PTPRB: variants seen among roughly 807,000 people sequenced by gnomAD.
PTPRB encodes receptor-type tyrosine-protein phosphatase beta.
A neutral mutation model predicts 238.1 loss-of-function variants in PTPRB; 97 were observed. The observed-to-expected ratio is 0.41, with a 90% confidence interval of 0.35 to 0.48. The LOEUF (loss-of-function observed/expected upper bound fraction) is 0.48. Among genes scored for constraint, PTPRB ranks in the 20% least tolerant of loss-of-function variants. The probability of loss-of-function intolerance (pLI) is 0.30; values close to 1 mark genes in which losing one functional copy is unlikely to be tolerated. For missense variants in PTPRB, 2,292 were observed against 2,681.9 expected (o/e 0.85, Z 3.21); for synonymous variants, 970 against 995.4 (o/e 0.97, Z 0.48).
At chr12:70,589,831 C>T (rs1882290711) in intron 8 of PTPRB, 133 bp downstream of exon 8, 1 of 851,184 alleles carries the variant, frequency 1.2e-6, no homozygotes, top group Non-Finnish European at 1.8e-6. Flanking sequence ...CCATGTTAGC[C>T]TTAAAGTCCT....
intron 27 of PTPRB, 85 bp downstream of exon 27, chr12:70,538,839 T>C: frequency 2.7e-6 from 3 of 1,101,326 alleles, no homozygotes; most frequent in Non-Finnish European, 4.1e-6. Flanking sequence ...CTATATTATA[T>C]TTCTTTAGCC....
chr12:70,626,315 CTATCT>C (rs1412320428), intron 2 of PTPRB, among the ~76,000 whole-genome samples: 1 of 134,392 alleles, frequency 7.4e-6, no homozygotes, highest in Non-Finnish European at 1.6e-5. Context: ...ATCTATCTAT[CTATCT>C]ATCTATCTAT....
chr12:70,547,838 A>T (rs950460820), intron 21 of PTPRB, among the ~76,000 whole-genome samples: 1 of 151,992 alleles, frequency 6.6e-6, no homozygotes, highest in Non-Finnish European at 1.5e-5. Flanking sequence ...TTTCTGTTTG[A>T]TCATGTTCAA....
chr12:70,521,380 T>A lies in PTPRB; in HGVS notation c.*109A>T. The A allele has an allele frequency of 1.5e-6, 1 of 679,550 alleles. No individual in the cohort carries two copies. Among genetic ancestry groups the A allele is most frequent in the Non-Finnish European group, 2.3e-6 (1 of 433,560 alleles). The allele number at this position is 679,550 out of a possible 1,614,324, so 42.1% of individuals were successfully genotyped here. A position where few individuals can be genotyped will look rare whatever the true frequency, so the allele number is the denominator to read the frequency against. On this transcript the variant is annotated 3_prime_UTR_variant, in exon 34 of 34. Transcript: ENST00000334414. Reference sequence around the variant, plus strand: ...AAACATTCTCCAGATTAATAAATTATACATAGTATCAACAGAAATAGCTGG... The same window carrying A: ...AAACATTCTCCAGATTAATAAATTAAACATAGTATCAACAGAAATAGCTGG...
chr12:70,552,714 G>A, intron 21 of PTPRB, 63 bp downstream of exon 21: 1 of 1,580,240 alleles, frequency 6.3e-7, no homozygotes, highest in Non-Finnish European at 8.6e-7. Context: ...CAGTTGCTCA[G>A]ACAGCTGAGT....
At chr12:70,586,507 C>T (rs1004205247) in intron 9 of PTPRB, among the ~76,000 whole-genome samples, 4 of 152,068 alleles carry the variant, frequency 2.6e-5, no homozygotes, top group African/African-American at 9.7e-5. Flanking sequence ...ATTAGATTCC[C>T]CATGCTCCTT....
rs963571523 is a variant in PTPRB at position 70,521,633 on chromosome 12, T to C, written c.6626-122A>G. The C allele has an allele frequency of 9.0e-6, 7 of 777,434 alleles. No individual in the cohort carries two copies. In the South Asian group the frequency reaches 1.1e-4, roughly 12 times the overall value. The allele number at this position is 777,434 out of a possible 1,614,324, so 48.2% of individuals were successfully genotyped here. A position where few individuals can be genotyped will look rare whatever the true frequency, so the allele number is the denominator to read the frequency against. On this transcript the variant is annotated intron_variant, in intron 33 of 33. Transcript: ENST00000334414. The stretch of plus-strand genomic sequence containing the variant: ...ACATATAGCTCAACCTAGTTTAAGA[T>C]GAGACCATTCCTATTGGGACCAGGT...
At chr12:70,550,035 C>T (rs1489375494) in intron 21 of PTPRB, among the ~76,000 whole-genome samples, 1 of 152,158 alleles carries the variant, frequency 6.6e-6, no homozygotes, top group Non-Finnish European at 1.5e-5. Context: ...TGAGTTCTTG[C>T]AGTCTAGTAA....
intron 4 of PTPRB, among the ~76,000 whole-genome samples, chr12:70,608,528 T>C (rs1223377052): frequency 6.6e-6 from 1 of 152,216 alleles, no homozygotes; most frequent in Non-Finnish European, 1.5e-5. Flanking sequence ...GATACTATGC[T>C]GTTTGGGTTA....
intron 32 of PTPRB, among the ~76,000 whole-genome samples, chr12:70,529,556 T>C (rs934229116): frequency 2.6e-5 from 4 of 152,150 alleles, no homozygotes; most frequent in Non-Finnish European, 4.4e-5. Flanking sequence ...TTAAAAAATA[T>C]TGAGGATATA....
chr12:70,594,724 A>G lies in PTPRB; in HGVS notation c.1259T>C (p.Val420Ala). The G allele has an allele frequency of 6.2e-7, 1 of 1,613,806 alleles. No individual in the cohort carries two copies. Among genetic ancestry groups the G allele is most frequent in the Non-Finnish European group, 8.5e-7 (1 of 1,179,692 alleles). ...SFSVYTNGST[V>A]PSPVKDIGIS... is the part of the protein sequence containing the mutation. ...ACCAATATCTTTCACTGGAGATGGC[A>G]CTAGTGGGATAAAATGCATGTCCAA... is the stretch of plus-strand genomic sequence containing the variant. The change falls in exon 6 of 34, where the codon GTG becomes GCG. Residue 420 changes from valine to alanine, a missense_variant and splice_region_variant. Physicochemically the swap from Val to Ala is moderately conservative, Grantham distance 64 (BLOSUM62 0). Coordinates refer to ENST00000334414, the MANE Select transcript of PTPRB (RefSeq NM_001109754.4).
At chr12:70,609,846 G>A (rs899941564) in intron 3 of PTPRB, 17 of 1,559,742 alleles carry the variant, frequency 1.1e-5, no homozygotes, top group Non-Finnish European at 1.3e-5. Flanking sequence ...AGAGGAGACC[G>A]AGGGGGCTGG....
chr12:70,626,339 C>CTATCTATG (rs1885189069), intron 2 of PTPRB, among the ~76,000 whole-genome samples: 1 of 146,632 alleles, frequency 6.8e-6, no homozygotes, highest in Non-Finnish European at 1.5e-5. Flanking sequence ...ATCTATCTAT[C>CTATCTATG]TATCTATCTA....
At position 70,626,369 on chromosome 12, in the gene PTPRB, T is replaced by G. The variant is rs867330421; in HGVS notation, c.452-3723A>C. Among the ~76,000 whole-genome samples, 1,095 of 124,248 alleles carry G rather than the reference T, an allele frequency of 8.8e-3. 11 individuals are homozygous for G. Among genetic ancestry groups the G allele is most frequent in the Admixed American group, 0.019 (211 of 11,162 alleles). The allele number at this position is 124,248 out of a possible 152,430, so 81.5% of individuals were successfully genotyped here. ...TATCTATCTATCTATCTATCTATAT[T>G]CCTGCCTGCCTGCCTGCCTGCCTGC... On this transcript the variant is annotated intron_variant, in intron 2 of 33. Coordinates refer to ENST00000334414, the MANE Select transcript of PTPRB (RefSeq NM_001109754.4).
chr12:70,528,033 G>C (rs892639607), intron 32 of PTPRB, among the ~76,000 whole-genome samples: 1 of 152,114 alleles, frequency 6.6e-6, no homozygotes, highest in Admixed American at 6.5e-5. Context: ...TGCAATTAAT[G>C]CCATTAAAAG....
At chr12:70,602,477 A>C (rs1883591615) in intron 4 of PTPRB, among the ~76,000 whole-genome samples, 1 of 152,230 alleles carries the variant, frequency 6.6e-6, no homozygotes. Flanking sequence ...AAGCCTTCTT[A>C]TGTAGAAATT....
intron 3 of PTPRB, among the ~76,000 whole-genome samples, chr12:70,614,137 C>T (rs897359959): frequency 2.6e-5 from 4 of 152,132 alleles, no homozygotes; most frequent in African/African-American, 9.7e-5. Context: ...TGTAAACTTA[C>T]CAGCCTCACC....
intron 23 of PTPRB, 90 bp from the exon 24 acceptor site, chr12:70,540,112 G>T: frequency 9.0e-7 from 1 of 1,112,216 alleles, no homozygotes; most frequent in Non-Finnish European, 1.3e-6. Context: ...GGATGTTTGT[G>T]CAAATATGGA....
chr12:70,567,958 G>A (rs1025431452), intron 14 of PTPRB, among the ~76,000 whole-genome samples: 1 of 152,042 alleles, frequency 6.6e-6, no homozygotes, highest in East Asian at 1.9e-4. Flanking sequence ...CCCAAAATGT[G>A]GGATTACAGG....
Sources: allele counts gnomAD v4.1 joint callset (sites outside exome capture counted in the v4.1 genomes callset), GRCh38; gene constraint gnomAD v4.1.1; transcripts MANE v1.5; gene names NCBI Gene and HGNC (gene_info 2026-07-23, HGNC 2026-07-21).